DPYSL2: variants seen among roughly 807,000 people sequenced by gnomAD.
DPYSL2 encodes dihydropyrimidinase like 2, also known as dihydropyrimidinase-related protein 2.
Under a neutral mutation model 69.9 loss-of-function variants are expected in DPYSL2, and 13 were observed. The observed-to-expected ratio is 0.19, with a 90% CI of 0.12 to 0.30. The LOEUF is 0.30. Ranked by LOEUF, DPYSL2 falls within the 10% of genes least tolerant of loss-of-function variation. The pLI, the probability that DPYSL2 is intolerant of heterozygous loss-of-function variation, is 1.00. For synonymous variants in DPYSL2, 326 were observed against 359.1 expected, an observed-to-expected ratio of 0.91 and a Z score of 1.04; for missense variants, 587 against 918.9, an observed-to-expected ratio of 0.64 and a Z score of 4.67.
rs576480100 is a variant in DPYSL2 at position 26,610,225 on chromosome 8, A to G, written c.629-13918A>G. On this transcript the variant is annotated intron_variant, in intron 3 of 13. Transcript: ENST00000521913. The surrounding 1 kb of genome is among the most constrained non-coding windows in gnomAD (Gnocchi z 4.5). ...CTGTTAATGCGGGATCGTTTGTGTTATCTGCTCTGATAGGTGGTTTTACTT... is the reference window on the plus strand; with the variant it reads ...CTGTTAATGCGGGATCGTTTGTGTTGTCTGCTCTGATAGGTGGTTTTACTT... Among the ~76,000 whole-genome samples, 1 of 152,306 alleles carries G rather than the reference A, an allele frequency of 6.6e-6. No individual in the cohort carries two copies. Among genetic ancestry groups the G allele is most frequent in the South Asian group, 2.1e-4 (1 of 4,828 alleles).
intron 1 of DPYSL2, among the ~76,000 whole-genome samples, chr8:26,555,980 T>C (rs1236187856): frequency 3.5e-5 from 4 of 115,416 alleles, no homozygotes; most frequent in Non-Finnish European, 6.6e-5. Context: ...ATATAGTATA[T>C]ATAGTATATA....
chr8:26,540,952 A>G (rs1585497430), intron 1 of DPYSL2, among the ~76,000 whole-genome samples: 1 of 152,070 alleles, frequency 6.6e-6, no homozygotes, highest in East Asian at 1.9e-4. Flanking sequence ...TAAAGCCATC[A>G]GGAAGTCAAA....
chr8:26,652,223 G>A lies in DPYSL2; in HGVS notation c.1597-34G>A, dbSNP rs752978103. 18 of 1,580,372 alleles carry A rather than the reference G, an allele frequency of 1.1e-5. No individual in the cohort carries two copies. Among genetic ancestry groups the A allele is most frequent in the East Asian group, 9.0e-5 (4 of 44,214 alleles). On this transcript the variant is annotated intron_variant, in intron 11 of 13. Transcript: ENST00000521913. This position sits in a 1 kb window ranked among gnomAD's most constrained non-coding sequence, Gnocchi z 6.3. The stretch of plus-strand genomic sequence containing the variant: ...GGGTGGATTGAGTCCAGCCAGAGTG[G>A]CCTGTTCTAGAGTTTACTTTGCCTT...
chr8:26,568,869 A>G (rs1160416370), intron 1 of DPYSL2, among the ~76,000 whole-genome samples: 1 of 152,154 alleles, frequency 6.6e-6, no homozygotes, highest in Non-Finnish European at 1.5e-5. Flanking sequence ...TGCGGGATTG[A>G]AAAGAGGAAC....
intron 3 of DPYSL2, among the ~76,000 whole-genome samples, chr8:26,584,502 A>G (rs558768420): frequency 6.6e-6 from 1 of 152,128 alleles, no homozygotes; most frequent in Non-Finnish European, 1.5e-5. Flanking sequence ...ACATAAAAGG[A>G]ATTGGGCAGC....
Position 26,624,102 on chromosome 8 carries a change from G to C in DPYSL2, c.629-41G>C, listed in dbSNP as rs1414044940. ...AAATACCTGCTGGCCCACGGCCCTT[G>C]AGGCTCTTGGTGATGATGACATATG... On this transcript the variant is annotated intron_variant, in intron 3 of 13. Coordinates refer to ENST00000521913, the MANE Select transcript of DPYSL2 (RefSeq NM_001197293.3). This position sits in a 1 kb window ranked among gnomAD's most constrained non-coding sequence, Gnocchi z 4.7. The C allele has an allele frequency of 9.3e-6, 15 of 1,610,786 alleles. No homozygotes were observed. Among genetic ancestry groups the C allele is most frequent in the Non-Finnish European group, 1.1e-5 (13 of 1,177,896 alleles).
chr8:26,601,474 T>A (rs1051190408), intron 3 of DPYSL2, among the ~76,000 whole-genome samples: 1 of 152,078 alleles, frequency 6.6e-6, no homozygotes, highest in East Asian at 1.9e-4. Context: ...GCCTCCTGGG[T>A]TCACGCCATT....
intron 1 of DPYSL2, among the ~76,000 whole-genome samples, chr8:26,570,770 A>G (rs1400970473): frequency 2.0e-5 from 3 of 146,758 alleles, no homozygotes; most frequent in South Asian, 2.2e-4. Context: ...AAAAAGAACT[A>G]GCCCCTTGGG....
chr8:26,559,881 G>A (rs1801045364), intron 1 of DPYSL2, among the ~76,000 whole-genome samples: 1 of 152,168 alleles, frequency 6.6e-6, no homozygotes, highest in Non-Finnish European at 1.5e-5. Context: ...ACAAGTTTCA[G>A]TAGGAAGTCA....
rs35346128 is a variant in DPYSL2 at position 26,646,204 on chromosome 8, GTTT to G, written c.1426-1413_1426-1411del. 3.7e-3 allele frequency among the ~76,000 whole-genome samples: 550 copies of G among 148,188 alleles called. 3 individuals carry two copies. The highest frequency in any genetic ancestry group is 5.9e-3 in the Non-Finnish European group (398 of 67,162). The stretch of plus-strand genomic sequence containing the variant: ...TGGTTGAACATTTATGTTGTTTCTG[GTTT>G]TTTTTTTTTTTTAACTTGAATGACA... On this transcript the variant is annotated intron_variant, in intron 10 of 13. Transcript: ENST00000521913.
Position 26,580,822 on chromosome 8 carries a change from C to T in DPYSL2, c.355-1147C>T, listed in dbSNP as rs190804107. Among the ~76,000 whole-genome samples, 107 of 152,294 alleles carry T rather than the reference C, an allele frequency of 7.0e-4. No individual in the cohort carries two copies. Among genetic ancestry groups the T allele is most frequent in the Admixed American group, 1.5e-3 (23 of 15,292 alleles). On this transcript the variant is annotated intron_variant, in intron 1 of 13. Coordinates refer to ENST00000521913, the MANE Select transcript of DPYSL2 (RefSeq NM_001197293.3). The surrounding 1 kb of genome is among the most constrained non-coding windows in gnomAD (Gnocchi z 4.1). ...TATGGTTCAGCTTGCCAGGTTTAAG[C>T]CCATTCTGTATAATACAGGTGCATA...
At chr8:26,578,347 G>C (rs369548830) in intron 1 of DPYSL2, 2 of 1,611,928 alleles carry the variant, frequency 1.2e-6, no homozygotes, top group Non-Finnish European at 1.7e-6. Flanking sequence ...TTGTAGCACA[G>C]AAGGTCTAAG....
In DPYSL2 at chr8:26,647,531, C is replaced by A; in HGVS notation, c.1426-99C>A. 2 of 1,317,862 alleles carry A rather than the reference C, an allele frequency of 1.5e-6. No homozygotes were observed. The highest frequency in any genetic ancestry group is 2.1e-6 in the Non-Finnish European group (2 of 957,350). 81.6% of individuals were successfully genotyped at this position (1,317,862 alleles called of 1,614,324 possible). ...TTGGCACAACGCTCTTGACATCCAT[C>A]TAAGCTGTCGTGTGTATCAATAGTT... On this transcript the variant is annotated intron_variant, in intron 10 of 13. Transcript: ENST00000521913. The surrounding 1 kb of genome is among the most constrained non-coding windows in gnomAD (Gnocchi z 5.1).
intron 7 of DPYSL2, among the ~76,000 whole-genome samples, chr8:26,633,875 A>T (rs1802839049): frequency 6.6e-6 from 1 of 152,230 alleles, no homozygotes; most frequent in Non-Finnish European, 1.5e-5. Context: ...TGTGCTTCAC[A>T]CACAGGGGGC....
intron 1 of DPYSL2, among the ~76,000 whole-genome samples, chr8:26,547,458 A>G (rs1210817633): frequency 6.6e-6 from 1 of 152,206 alleles, no homozygotes; most frequent in Non-Finnish European, 1.5e-5. Context: ...TTCAACAAAA[A>G]ATTACACGGC....
intron 2 of DPYSL2, among the ~76,000 whole-genome samples, chr8:26,583,368 C>A (rs565409863): frequency 6.6e-6 from 1 of 151,506 alleles, no homozygotes; most frequent in South Asian, 2.1e-4. Context: ...CTACCTCACC[C>A]TTCCACCCCT....
At chr8:26,639,254 T>C (rs926147463) in intron 8 of DPYSL2, among the ~76,000 whole-genome samples, 1 of 151,986 alleles carries the variant, frequency 6.6e-6, no homozygotes, top group African/African-American at 2.4e-5. Context: ...GAGAGGACAG[T>C]AGAGAAAGGG....
At chr8:26,607,173 A>G (rs1802124562) in intron 3 of DPYSL2, among the ~76,000 whole-genome samples, 1 of 152,178 alleles carries the variant, frequency 6.6e-6, no homozygotes, top group African/African-American at 2.4e-5. Flanking sequence ...CCTAGAAAAT[A>G]GTAGTATATA....
At chr8:26,524,585 G>T (rs548863301) in intron 1 of DPYSL2, among the ~76,000 whole-genome samples, 48 of 152,036 alleles carry the variant, frequency 3.2e-4, no homozygotes, top group Non-Finnish European at 5.3e-4. Flanking sequence ...ATCACCTGAG[G>T]TCAGGAGTTT....
Sources: allele counts gnomAD v4.1 joint callset (sites outside exome capture counted in the v4.1 genomes callset), GRCh38; gene constraint gnomAD v4.1.1; non-coding constraint Gnocchi (gnomAD v3.1); transcripts MANE v1.5; gene names NCBI Gene and HGNC (gene_info 2026-07-23, HGNC 2026-07-21).